Variants in SLC25A22 observed in about 807,000 individuals in gnomAD.
The protein encoded by SLC25A22 is mitochondrial glutamate carrier 1.
In SLC25A22, 23 loss-of-function variants were observed where a neutral mutation model predicts 33.7. The observed-to-expected ratio is 0.68, with a 90% confidence interval of 0.49 to 0.97. The LOEUF is 0.97. Among genes scored for constraint, SLC25A22 ranks in the 50% least tolerant of loss-of-function variants. SLC25A22 has a pLI of 0.00. For missense variants in SLC25A22, 390 were observed against 451.1 expected (o/e 0.86, Z 1.23); for synonymous variants, 245 against 203.8 (o/e 1.20, Z -1.72).
rs886675681 is a variant in SLC25A22, at chr11:791,040, G to A, written c.*875C>T. 2.0e-5 allele frequency: 3 copies of A among 152,372 alleles called. No individual in the cohort carries two copies. The highest frequency in any genetic ancestry group is 4.4e-5 in the Non-Finnish European group (3 of 68,132). 9.4% of individuals were successfully genotyped at this position (152,372 alleles called of 1,614,324 possible). ...GCTCCCTGGCCAATCCCAGGCCAGG[G>A]TGGAGGACTCAGGAGAGACCAAGCT... On this transcript the variant is annotated 3_prime_UTR_variant, in exon 10 of 10. Coordinates refer to ENST00000628067, the MANE Select transcript of SLC25A22 (RefSeq NM_001191061.2).
intron 1 of SLC25A22, among the ~76,000 whole-genome samples, chr11:797,087 A>C (rs1177537088): frequency 6.6e-6 from 1 of 152,074 alleles, no homozygotes; most frequent in African/African-American, 2.4e-5. Context: ...CTGGGAGCCT[A>C]TCTCCAGTCT....
chr11:792,799 G>A (rs1348233248), intron 6 of SLC25A22, 71 bp downstream of exon 6: 42 of 1,551,214 alleles, frequency 2.7e-5, no homozygotes, highest in Admixed American at 2.7e-4. Flanking sequence ...CCCTCCCTGC[G>A]TCCCCACCCT....
chr11:794,310 G>T, intron 4 of SLC25A22, 148 bp downstream of exon 4: 1 of 940,608 alleles, frequency 1.1e-6, no homozygotes, highest in Non-Finnish European at 1.7e-6. Context: ...AGTCCCCCCT[G>T]CACAGGCACA....
intron 5 of SLC25A22, 24 bp downstream of exon 5, chr11:793,505 G>A: frequency 1.2e-6 from 2 of 1,612,048 alleles, no homozygotes; most frequent in Non-Finnish European, 1.7e-6. Context: ...GACCCCTCGA[G>A]TGTCTGCCAG....
In SLC25A22 at chr11:791,822, A is replaced by AG; in HGVS notation, c.*92dup. On this transcript the variant is annotated 3_prime_UTR_variant, in exon 10 of 10. Coordinates refer to ENST00000628067, the MANE Select transcript of SLC25A22 (RefSeq NM_001191061.2). ...GCCCCTGCCGACGGGAGGGCTGGGG[A>AG]GGGGTCTTCCCTTGCTCCGTCCTGG... 3 of 1,454,884 alleles carry AG rather than the reference A, an allele frequency of 2.1e-6. No individual in the cohort carries two copies. The East Asian group carries it at 7.5e-5, about 37-fold the overall frequency. The allele number at this position is 1,454,884 out of a possible 1,614,324, so 90.1% of individuals were successfully genotyped here. A position where few individuals can be genotyped will look rare whatever the true frequency, so the allele number is the denominator to read the frequency against.
rs564026448 is a variant in SLC25A22, at chr11:791,984, G to A, written c.903C>T (p.Ile301=). 33 of 1,609,464 alleles carry A rather than the reference G, an allele frequency of 2.1e-5. No individual in the cohort carries two copies. In the East Asian group the frequency reaches 6.9e-4, roughly 34 times the overall value. ...RALVIAPLFG[I]AQVVYFLGIA... is the part of the protein sequence containing the mutation. ...TGCCCAGGAAGTAGACCACCTGTGCGATGCCGAAAAGGGGCGCGATGACCA... is the reference window on the plus strand; with the variant it reads ...TGCCCAGGAAGTAGACCACCTGTGCAATGCCGAAAAGGGGCGCGATGACCA... The change falls in exon 10 of 10, where the codon ATC becomes ATT. Residue 301 remains isoleucine (I), a synonymous_variant. Transcript: ENST00000628067.
chr11:795,563 GCA>G (rs1323128344), intron 1 of SLC25A22: 1 of 256,552 alleles, frequency 3.9e-6, no homozygotes, highest in Non-Finnish European at 7.8e-6. Context: ...ACATCCTTCA[GCA>G]CAGAGAGAGC....
rs1053798735 is a variant in SLC25A22, at chr11:798,218, A to G, written c.-165T>C. ...GGGAGCCGCCGGGCAGACACTCACC[A>G]CGCTCGCCGCCGCCGCCGCGCTCGC... On this transcript the variant is annotated splice_region_variant and 5_prime_UTR_variant, in exon 1 of 10. Coordinates refer to ENST00000628067, the MANE Select transcript of SLC25A22 (RefSeq NM_001191061.2). 5.1e-6 allele frequency: 2 copies of G among 395,620 alleles called. No individual in the cohort carries two copies. Among genetic ancestry groups the G allele is most frequent in the Non-Finnish European group, 8.9e-6 (2 of 224,582 alleles). The allele number at this position is 395,620 out of a possible 1,614,324, so 24.5% of individuals were successfully genotyped here.
At chr11:795,412 C>CTCACGCTCGGGGCTCA in intron 1 of SLC25A22, 2 of 378,956 alleles carry the variant, frequency 5.3e-6, no homozygotes, top group Non-Finnish European at 5.1e-6. Flanking sequence ...GCCTCACACG[C>CTCACGCTCGGGGCTCA]CGCTCACGCT....
In SLC25A22 at chr11:791,662, C is replaced by A. The variant is rs768708575; in HGVS notation, c.*253G>T. The A allele has an allele frequency of 3.5e-6, 2 of 566,470 alleles. No homozygotes were observed. The highest frequency in any genetic ancestry group is 6.2e-6 in the Non-Finnish European group (2 of 320,942). The allele number at this position is 566,470 out of a possible 1,614,324, so 35.1% of individuals were successfully genotyped here. A position where few individuals can be genotyped will look rare whatever the true frequency, so the allele number is the denominator to read the frequency against. On this transcript the variant is annotated 3_prime_UTR_variant, in exon 10 of 10. Coordinates refer to ENST00000628067, the MANE Select transcript of SLC25A22 (RefSeq NM_001191061.2). ...TGTTCAGGCCAGGGCAGGATTGGGG[C>A]AGGGGCTAGCTTGAGGAATGTAAAG...
At chr11:797,155 G>A (rs1227401692) in intron 1 of SLC25A22, among the ~76,000 whole-genome samples, 2 of 152,208 alleles carry the variant, frequency 1.3e-5, no homozygotes, top group African/African-American at 2.4e-5. Context: ...ACCGAGGTGG[G>A]GAGCGGCCAT....
chr11:798,185 C>T, intron 1 of SLC25A22, 32 bp downstream of exon 1: 1 of 397,882 alleles, frequency 2.5e-6, no homozygotes, highest in Non-Finnish European at 4.4e-6. Context: ...CGGATGGGCG[C>T]AGCAGAAGGG....
Position 794,906 on chromosome 11 carries a change from G to T in SLC25A22, c.21-5C>A. The T allele has an allele frequency of 6.4e-7, 1 of 1,564,350 alleles. No individual in the cohort carries two copies. Among genetic ancestry groups the T allele is most frequent in the East Asian group, 2.4e-5 (1 of 42,426 alleles). On this transcript the variant is annotated splice_region_variant and splice_polypyrimidine_tract_variant and intron_variant, in intron 2 of 9. Coordinates refer to ENST00000628067, the MANE Select transcript of SLC25A22 (RefSeq NM_001191061.2). ...TTGATGAGCTTGGCTGGCAGGCTGT[G>T]TGGACAGGGGTGTCAGGACCGGCTT...
chr11:791,745 G>T lies in SLC25A22; in HGVS notation c.*170C>A. The T allele has an allele frequency of 1.2e-6, 1 of 852,702 alleles. No homozygotes were observed. The highest frequency in any genetic ancestry group is 1.8e-6 in the Non-Finnish European group (1 of 567,980). 52.8% of individuals were successfully genotyped at this position (852,702 alleles called of 1,614,324 possible). On this transcript the variant is annotated 3_prime_UTR_variant, in exon 10 of 10. Coordinates refer to ENST00000628067, the MANE Select transcript of SLC25A22 (RefSeq NM_001191061.2). ...ATCCCAACGGTGCAGGCAGCACCCCGGGGGGCTTGCGTGTGCACCACCTAT... is the reference window on the plus strand; with the variant it reads ...ATCCCAACGGTGCAGGCAGCACCCCTGGGGGCTTGCGTGTGCACCACCTAT...
At position 793,008 on chromosome 11, in the gene SLC25A22, G is replaced by A. The variant is rs755464940; in HGVS notation, c.294-20C>T. The A allele has an allele frequency of 2.7e-5, 43 of 1,607,622 alleles. No individual in the cohort carries two copies. The African/African-American group carries it at 3.6e-4, about 14-fold the overall frequency. The stretch of plus-strand genomic sequence containing the variant: ...TTCTGCCTGTGGTAGGGGCGGGGCC[G>A]CAGTAAGTGGGAAGAGACAGGTCTA... On this transcript the variant is annotated intron_variant, in intron 5 of 9. Transcript: ENST00000628067.
At position 792,666 on chromosome 11, in the gene SLC25A22, G is replaced by A. The variant is rs556959164; in HGVS notation, c.474C>T (p.Pro158=). 15 of 1,568,484 alleles carry A rather than the reference G, an allele frequency of 9.6e-6. No homozygotes were observed. In the African/African-American group the frequency reaches 1.1e-4, roughly 11 times the overall value. Residue 158 remains proline (P), a synonymous_variant, in exon 7 of 10, where the codon CCC becomes CCT. Coordinates refer to ENST00000628067, the MANE Select transcript of SLC25A22 (RefSeq NM_001191061.2). ...GAGGGGCAGCTGGAGCCTCCACTGAGGGCTGGGCACCCCCCTGGGCCGAGA... is the reference window on the plus strand; with the variant it reads ...GAGGGGCAGCTGGAGCCTCCACTGAAGGCTGGGCACCCCCCTGGGCCGAGA... ...GQLSAQGGAQ[P]SVEAPAAPRP...
chr11:795,110 G>A lies in SLC25A22; in HGVS notation c.-104C>T. On this transcript the variant is annotated 5_prime_UTR_variant, in exon 2 of 10. Coordinates refer to ENST00000628067, the MANE Select transcript of SLC25A22 (RefSeq NM_001191061.2). ...CTTGAGGGAGGGTGGGACCCAGGGG[G>A]GTTGGGTGGTGCTCCACCTTCAGGG... 2.2e-6 allele frequency: 3 copies of A among 1,371,476 alleles called. No homozygotes were observed. The highest frequency in any genetic ancestry group is 3.0e-6 in the Non-Finnish European group (3 of 994,596). 85.0% of individuals were successfully genotyped at this position (1,371,476 alleles called of 1,614,324 possible).
At chr11:794,576 G>A (rs1327551180) in intron 3 of SLC25A22, 63 bp from the exon 4 acceptor site, 1 of 1,584,194 alleles carries the variant, frequency 6.3e-7, no homozygotes, top group African/African-American at 1.3e-5. Flanking sequence ...CAGGGTCCCT[G>A]GACTGTCTAG....
In SLC25A22 at chr11:792,646, G is replaced by A. The variant is rs752791901; in HGVS notation, c.494C>T (p.Ala165Val). 38 of 1,580,390 alleles carry A rather than the reference G, an allele frequency of 2.4e-5. No homozygotes were observed. The highest frequency in any genetic ancestry group is 3.3e-5 in the Non-Finnish European group (38 of 1,165,050). ...CAGCTGGGTGGCCGTGGGCCGAGGG[G>A]CAGCTGGAGCCTCCACTGAGGGCTG... Reference protein sequence around the residue: ...GAQPSVEAPAAPRPTATQLTR... With the variant: ...GAQPSVEAPAVPRPTATQLTR... Residue 165 changes from alanine (A) to valine (V), a missense_variant, in exon 7 of 10, where the codon GCC (alanine) becomes GTC (valine). Ala to Val is a moderately conservative substitution (Grantham distance 64). Coordinates refer to ENST00000628067, the MANE Select transcript of SLC25A22 (RefSeq NM_001191061.2).
Sources: gnomAD v4.1 joint callset for allele counts (sites outside exome capture counted in the v4.1 genomes callset) on GRCh38, gnomAD v4.1.1 for gene constraint, MANE v1.5 for transcripts, NCBI Gene and HGNC (gene_info 2026-07-23, HGNC 2026-07-21) for gene names.